TSHZ2: variants seen among roughly 807,000 people sequenced by gnomAD.
TSHZ2 encodes the protein teashirt zinc finger homeobox 2.
Under a neutral mutation model 74.4 loss-of-function variants are expected in TSHZ2, and 21 were observed. That is an observed-to-expected ratio of 0.28 (90% CI 0.20 to 0.41). The LOEUF (loss-of-function observed/expected upper bound fraction) is 0.41. Among genes scored for constraint, TSHZ2 ranks in the 10% least tolerant of loss-of-function variants. TSHZ2 has a pLI of 1.00. For missense variants in TSHZ2, 1,244 were observed against 1,293.5 expected (o/e 0.96, Z 0.59); for synonymous variants, 540 against 515.3 (o/e 1.05, Z -0.65).
At chr20:53,390,741 G>A (rs189697956) in intron 2 of TSHZ2, among the ~76,000 whole-genome samples, 2 of 152,148 alleles carry the variant, frequency 1.3e-5, no homozygotes, top group Non-Finnish European at 2.9e-5. Context: ...TTCAACAATC[G>A]TTGAACTAAT....
Position 53,195,595 on chromosome 20 carries a change from T to C in TSHZ2, c.41-57904T>C, listed in dbSNP as rs117979168. On this transcript the variant is annotated intron_variant, in intron 1 of 2. Coordinates refer to ENST00000371497, the MANE Select transcript of TSHZ2 (RefSeq NM_173485.6). Reference sequence around the variant, plus strand: ...TTTCCAAAAATTAGCACTTATTTAGTCTTCAAGGATTAAGGCACCTCAGTT... The same window carrying C: ...TTTCCAAAAATTAGCACTTATTTAGCCTTCAAGGATTAAGGCACCTCAGTT... Among the ~76,000 whole-genome samples, 18 of 152,292 alleles carry C rather than the reference T, an allele frequency of 1.2e-4. No individual in the cohort carries two copies. In the East Asian group the frequency reaches 3.1e-3, roughly 26 times the overall value.
intron 2 of TSHZ2, among the ~76,000 whole-genome samples, chr20:53,262,968 TGGAGTATATGGAAAAGCCA>T (rs944697398): frequency 1.3e-5 from 2 of 152,202 alleles, no homozygotes; most frequent in Non-Finnish European, 2.9e-5. Flanking sequence ...AGCGAAGTTC[TGGAGTATATGGAAAAGCCA>T]GGAGTATATG....
chr20:53,094,431 A>G (rs1249097757), intron 1 of TSHZ2, among the ~76,000 whole-genome samples: 2 of 152,182 alleles, frequency 1.3e-5, no homozygotes, highest in Non-Finnish European at 2.9e-5. Context: ...GTAGTCTTTA[A>G]ACTTCATCAG....
intron 2 of TSHZ2, among the ~76,000 whole-genome samples, chr20:53,355,098 A>G (rs1980796578): frequency 6.6e-6 from 1 of 152,240 alleles, no homozygotes; most frequent in Non-Finnish European, 1.5e-5. Context: ...AACACTGAGG[A>G]TACAATAATG....
chr20:53,273,770 C>T (rs770573956), intron 2 of TSHZ2, among the ~76,000 whole-genome samples: 1 of 152,142 alleles, frequency 6.6e-6, no homozygotes, highest in Non-Finnish European at 1.5e-5. Flanking sequence ...AATTCTGGAT[C>T]ACTCAGGACC....
intron 1 of TSHZ2, among the ~76,000 whole-genome samples, chr20:53,068,488 G>A (rs557915816): frequency 4.3e-4 from 66 of 152,038 alleles, no homozygotes; most frequent in African/African-American, 1.4e-3. Flanking sequence ...TCCCTACTGC[G>A]TTACTTTTCT....
At chr20:53,283,176 G>A (rs532326932) in intron 2 of TSHZ2, among the ~76,000 whole-genome samples, 85 of 152,220 alleles carry the variant, frequency 5.6e-4, no homozygotes, top group African/African-American at 1.9e-3. Flanking sequence ...AAAAAGCTAA[G>A]CCTTAAAGAG....
intron 1 of TSHZ2, among the ~76,000 whole-genome samples, chr20:53,252,387 T>C (rs906237810): frequency 6.6e-6 from 1 of 152,218 alleles, no homozygotes; most frequent in Non-Finnish European, 1.5e-5. Flanking sequence ...GCATTAAGAT[T>C]GTGCAGGCCT....
intron 1 of TSHZ2, among the ~76,000 whole-genome samples, chr20:53,170,504 C>G (rs1988173897): frequency 6.6e-6 from 1 of 152,216 alleles, no homozygotes; most frequent in African/African-American, 2.4e-5. Flanking sequence ...GAACCAGATA[C>G]TTTCCTGCTA....
intron 2 of TSHZ2, among the ~76,000 whole-genome samples, chr20:53,367,088 G>T (rs889037590): frequency 6.6e-6 from 1 of 152,094 alleles, no homozygotes; most frequent in African/African-American, 2.4e-5. Flanking sequence ...TCAGAATTTT[G>T]CTAACTCTGC....
At chr20:53,185,019 C>T (rs1422774453) in intron 1 of TSHZ2, among the ~76,000 whole-genome samples, 1 of 152,202 alleles carries the variant, frequency 6.6e-6, no homozygotes, top group Non-Finnish European at 1.5e-5. Flanking sequence ...CATATTCTTC[C>T]AGTTATGCCA....
intron 2 of TSHZ2, among the ~76,000 whole-genome samples, chr20:53,297,624 CAGTT>C (rs373409551): frequency 1.3e-4 from 20 of 152,354 alleles, no homozygotes; most frequent in Non-Finnish European, 1.9e-4. Context: ...GGGTAGGACA[CAGTT>C]AGTAGCAGGA....
At chr20:53,235,121 G>A (rs1039184948) in intron 1 of TSHZ2, among the ~76,000 whole-genome samples, 2 of 96,798 alleles carry the variant, frequency 2.1e-5, no homozygotes, top group African/African-American at 9.7e-5. Context: ...TCTGAGCTTG[G>A]TTTTGTTGGG....
chr20:53,021,517 C>T (rs1473026583), intron 1 of TSHZ2, among the ~76,000 whole-genome samples: 5 of 152,194 alleles, frequency 3.3e-5, no homozygotes, highest in Non-Finnish European at 7.3e-5. Flanking sequence ...ATGCCTGTGT[C>T]AGCCTATTTG....
chr20:53,109,300 A>G (rs1402127647), intron 1 of TSHZ2, among the ~76,000 whole-genome samples: 2 of 152,208 alleles, frequency 1.3e-5, no homozygotes, highest in Non-Finnish European at 2.9e-5. Context: ...CTCTCAGGTA[A>G]TAATTTCATG....
chr20:53,106,202 T>A (rs1331594378), intron 1 of TSHZ2, among the ~76,000 whole-genome samples: 1 of 152,052 alleles, frequency 6.6e-6, no homozygotes, highest in East Asian at 1.9e-4. Flanking sequence ...CCTATCTAAC[T>A]GTAATTTTGT....
intron 2 of TSHZ2, among the ~76,000 whole-genome samples, chr20:53,274,804 T>G (rs1315421518): frequency 6.6e-6 from 1 of 152,092 alleles, no homozygotes; most frequent in Non-Finnish European, 1.5e-5. Context: ...TGCCTCTTTT[T>G]CTCTATCTCT....
intron 2 of TSHZ2, among the ~76,000 whole-genome samples, chr20:53,346,462 G>A (rs1568878731): frequency 6.6e-6 from 1 of 152,184 alleles, no homozygotes; most frequent in Non-Finnish European, 1.5e-5. Context: ...CCTACTGATG[G>A]AATTTGAGAA....
At chr20:53,344,116 CA>C (rs34934892) in intron 2 of TSHZ2, among the ~76,000 whole-genome samples, 5,687 of 152,190 alleles carry the variant, frequency 0.037, 158 homozygotes, top group Non-Finnish European at 0.056. Context: ...TATGCTGATG[CA>C]ATATTTTCAG....
Sources: gnomAD v4.1 joint callset for allele counts (sites outside exome capture counted in the v4.1 genomes callset) on GRCh38, gnomAD v4.1.1 for gene constraint, MANE v1.5 for transcripts, NCBI Gene and HGNC (gene_info 2026-07-23, HGNC 2026-07-21) for gene names.